Variants in TENM3 observed in about 807,000 individuals in gnomAD.
TENM3 encodes teneurin transmembrane protein 3.
TENM3 carries 63 observed loss-of-function variants against 255.1 expected under a neutral mutation model. That is an observed-to-expected ratio of 0.25 (90% CI 0.20 to 0.30). The LOEUF (loss-of-function observed/expected upper bound fraction) is 0.30, where lower values mean the gene tolerates loss of function less well. TENM3 is among the 10% of genes least tolerant of loss of function. The pLI, the probability that TENM3 is intolerant of heterozygous loss-of-function variation, is 1.00. For synonymous variants in TENM3, 1,306 were observed against 1,322.3 expected, an observed-to-expected ratio of 0.99 and a Z score of 0.27; for missense variants, 2,929 against 3,461.1, an observed-to-expected ratio of 0.85 and a Z score of 3.86.
chr4:182,158,355 C>T (rs1052082440), intron 1 of TENM3, among the ~76,000 whole-genome samples: 1 of 152,190 alleles, frequency 6.6e-6, no homozygotes, highest in Non-Finnish European at 1.5e-5. Flanking sequence ...GGCAGTTGGG[C>T]TACCAGTTTG....
Position 182,728,970 on chromosome 4 carries a change from C to G in TENM3, c.2374C>G (p.Leu792Val), listed in dbSNP as rs1188248531. 1 of 1,613,306 alleles carries G rather than the reference C, an allele frequency of 6.2e-7. No individual in the cohort carries two copies. The highest frequency in any genetic ancestry group is 1.3e-5 in the African/African-American group (1 of 74,888). Reference protein sequence around the residue: ...TDSKDNEGDGLIDCMDPDCCL... With the variant: ...TDSKDNEGDGVIDCMDPDCCL... ...GGGAACATTTCTCTCTACAGATGGA[C>G]TCATTGACTGCATGGATCCCGATTG... Residue 792 changes from leucine (L) to valine (V), a missense_variant, in exon 14 of 28, where the codon CTC becomes GTC. By Grantham distance (32) the Leu-to-Val change is conservative (BLOSUM62 1). This residue lies in a region of TENM3 where 1,608 missense variants were observed against 1,884.4 expected (regional missense o/e 0.85). Coordinates refer to ENST00000511685, the MANE Select transcript of TENM3 (RefSeq NM_001080477.4).
the TENM3 span, among the ~76,000 whole-genome samples, chr4:181,589,493 C>T: frequency 1.3e-5 from 2 of 152,032 alleles, no homozygotes; most frequent in Non-Finnish European, 2.9e-5. Flanking sequence ...GTAAGGTAAA[C>T]ACTTAGATTG....
intron 3 of TENM3, among the ~76,000 whole-genome samples, chr4:182,352,494 A>G (rs532093576): frequency 1.3e-5 from 2 of 152,276 alleles, no homozygotes; most frequent in African/African-American, 4.8e-5. Flanking sequence ...AATCATTCCA[A>G]GAAGACTTCA....
chr4:182,771,786 A>T (rs1236462228), intron 22 of TENM3, among the ~76,000 whole-genome samples: 1 of 152,136 alleles, frequency 6.6e-6, no homozygotes, highest in East Asian at 1.9e-4. Flanking sequence ...GATTTCTTTC[A>T]TTTATGCCTT....
chr4:181,932,991 G>C, the TENM3 span, among the ~76,000 whole-genome samples: 14 of 152,150 alleles, frequency 9.2e-5, 1 homozygote, highest in South Asian at 1.9e-3. Context: ...AGGGAGGGGA[G>C]CATAACACAC....
chr4:182,754,491 G>A lies in TENM3; in HGVS notation c.4124G>A (p.Arg1375His), dbSNP rs367944939. Residue 1375 changes from arginine to histidine, a missense_variant, in exon 22 of 28, where the codon CGC (arginine) becomes CAC (histidine). By Grantham distance (29) the Arg-to-His change is conservative. Coordinates refer to ENST00000511685, the MANE Select transcript of TENM3 (RefSeq NM_001080477.4). The surrounding 1 kb of genome is among the most constrained non-coding windows in gnomAD (Gnocchi z 5.1). ...VLQITENRQV[R>H]IAAGRPMHCQ... Reference sequence around the variant, plus strand: ...CAGATCACTGAAAATCGTCAAGTTCGCATTGCTGCTGGACGGCCCATGCAC... The same window carrying A: ...CAGATCACTGAAAATCGTCAAGTTCACATTGCTGCTGGACGGCCCATGCAC... 77 of 1,613,456 alleles carry A rather than the reference G, an allele frequency of 4.8e-5. No homozygotes were observed. The highest frequency in any genetic ancestry group is 3.3e-4 in the Middle Eastern group (2 of 6,082).
the TENM3 span, among the ~76,000 whole-genome samples, chr4:182,092,004 G>A: frequency 6.6e-6 from 1 of 152,130 alleles, no homozygotes; most frequent in Non-Finnish European, 1.5e-5. Flanking sequence ...CTGGCAGTTG[G>A]GAGAGTTAGA....
intron 1 of TENM3, among the ~76,000 whole-genome samples, chr4:182,238,010 T>C (rs1756997906): frequency 6.6e-6 from 1 of 152,072 alleles, no homozygotes; most frequent in African/African-American, 2.4e-5. Context: ...AATATATAGG[T>C]TTCTTTTTTG....
At chr4:182,706,558 T>C (rs745673360) in intron 12 of TENM3, among the ~76,000 whole-genome samples, 9 of 152,178 alleles carry the variant, frequency 5.9e-5, no homozygotes, top group Admixed American at 6.5e-5. Context: ...GTATTACTTA[T>C]AGAATTTCTT....
chr4:182,051,653 A>G, the TENM3 span, among the ~76,000 whole-genome samples: 2 of 152,112 alleles, frequency 1.3e-5, no homozygotes, highest in African/African-American at 4.8e-5. Context: ...GATTACAGGC[A>G]TGCTATTTTT....
the TENM3 span, among the ~76,000 whole-genome samples, chr4:181,917,663 CTT>C: frequency 1.2e-4 from 15 of 127,430 alleles, no homozygotes; most frequent in Admixed American, 2.4e-4. Context: ...TTTTTTTTTT[CTT>C]TTTTTTTTTT....
chr4:181,994,664 A>G, the TENM3 span, among the ~76,000 whole-genome samples: 1 of 150,782 alleles, frequency 6.6e-6, no homozygotes, highest in South Asian at 2.1e-4. Context: ...ATTTTCATGT[A>G]ACTAAAAGAA....
chr4:181,966,264 T>C, the TENM3 span, among the ~76,000 whole-genome samples: 1 of 152,178 alleles, frequency 6.6e-6, no homozygotes, highest in African/African-American at 2.4e-5. Flanking sequence ...CAAAATGGGC[T>C]CTGTGTCATT....
intron 1 of TENM3, among the ~76,000 whole-genome samples, chr4:182,306,028 C>G (rs1399253152): frequency 6.6e-6 from 1 of 152,080 alleles, no homozygotes; most frequent in Non-Finnish European, 1.5e-5. Context: ...AGGTGCCTGG[C>G]CCTGTCTGGT....
chr4:182,389,481 A>T (rs1256206487), intron 3 of TENM3, among the ~76,000 whole-genome samples: 4 of 152,108 alleles, frequency 2.6e-5, no homozygotes, highest in African/African-American at 9.7e-5. Flanking sequence ...CAGAAAAAAA[A>T]ATTACATATA....
chr4:182,430,551 C>T (rs370972545), intron 3 of TENM3, among the ~76,000 whole-genome samples: 30 of 150,162 alleles, frequency 2.0e-4, no homozygotes, highest in African/African-American at 6.8e-4. Flanking sequence ...CCATCTCAAA[C>T]GAGAAAAAAG....
chr4:182,592,856 G>C (rs562510471), intron 3 of TENM3, among the ~76,000 whole-genome samples: 45 of 152,334 alleles, frequency 3.0e-4, no homozygotes, highest in African/African-American at 9.6e-4. Context: ...GATATAGCCA[G>C]GAAGTGAGGT....
chr4:182,205,589 C>T (rs937578532), intron 1 of TENM3, among the ~76,000 whole-genome samples: 1 of 152,266 alleles, frequency 6.6e-6, no homozygotes, highest in Non-Finnish European at 1.5e-5. Context: ...CTGGGCCCCC[C>T]CAAATCACCG....
At chr4:181,984,530 T>G in the TENM3 span, among the ~76,000 whole-genome samples, 1 of 152,088 alleles carries the variant, frequency 6.6e-6, no homozygotes, top group Non-Finnish European at 1.5e-5. Flanking sequence ...TTCAGTATTA[T>G]TTACTCACAT....
Sources: allele counts gnomAD v4.1 joint callset (sites outside exome capture counted in the v4.1 genomes callset), GRCh38; gene constraint gnomAD v4.1.1; regional missense constraint gnomAD v4.1.1; non-coding constraint Gnocchi (gnomAD v3.1); transcripts MANE v1.5; gene names NCBI Gene and HGNC (gene_info 2026-07-23, HGNC 2026-07-21).